The following MARCHF1 variants were observed in gnomAD, a reference collection of about 807,000 sequenced individuals.
MARCHF1 encodes the protein E3 ubiquitin-protein ligase MARCHF1.
MARCHF1 carries 40 observed loss-of-function variants against 54.2 expected under a neutral mutation model. The ratio of observed to expected loss-of-function variants is 0.74; its 90% CI spans 0.57 to 0.96. The LOEUF is 0.96. MARCHF1 is among the 40% of genes least tolerant of loss of function. The pLI, the probability that MARCHF1 is intolerant of heterozygous loss-of-function variation, is 0.00. For missense variants in MARCHF1, 586 were observed against 656.5 expected, an observed-to-expected ratio of 0.89 and a Z score of 1.17; for synonymous variants, 236 against 236.3, an observed-to-expected ratio of 1.00 and a Z score of 0.01.
intron 2 of MARCHF1, among the ~76,000 whole-genome samples, chr4:164,044,258 C>T (rs943438729): frequency 3.3e-5 from 5 of 152,042 alleles, no homozygotes; most frequent in Non-Finnish European, 5.9e-5. Flanking sequence ...ACTTGAGACT[C>T]GGTAGTTTAT....
chr4:163,698,597 G>A (rs1163342758), intron 5 of MARCHF1, among the ~76,000 whole-genome samples: 1 of 152,096 alleles, frequency 6.6e-6, no homozygotes, highest in Non-Finnish European at 1.5e-5. Context: ...CCACACAGAA[G>A]TACAATTAAT....
chr4:164,161,338 A>C (rs1335691083), intron 1 of MARCHF1, among the ~76,000 whole-genome samples: 1 of 152,148 alleles, frequency 6.6e-6, no homozygotes, highest in African/African-American at 2.4e-5. Flanking sequence ...AGGCCTCCCC[A>C]GAAGCCAAAT....
intron 7 of MARCHF1, among the ~76,000 whole-genome samples, chr4:163,606,375 C>T (rs1033019318): frequency 3.9e-5 from 6 of 151,918 alleles, no homozygotes; most frequent in African/African-American, 1.2e-4. Flanking sequence ...GTGGAGGGCA[C>T]AAAACAGATG....
chr4:163,714,392 C>T lies in MARCHF1; in HGVS notation c.112-13529G>A, dbSNP rs367626992. On this transcript the variant is annotated intron_variant, in intron 4 of 9. Transcript: ENST00000514618. The stretch of plus-strand genomic sequence containing the variant: ...TTCTTTTAAATAGAAATCCTGGCCA[C>T]TCACTGTCCATAAATAGCTTACTGC... 9.8e-5 allele frequency among the ~76,000 whole-genome samples: 15 copies of T among 152,362 alleles called. No homozygotes were observed. The South Asian group carries it at 3.1e-3, about 32-fold the overall frequency.
intron 4 of MARCHF1, among the ~76,000 whole-genome samples, chr4:163,744,588 C>T (rs1339797385): frequency 1.3e-5 from 2 of 152,034 alleles, no homozygotes; most frequent in East Asian, 1.9e-4. Flanking sequence ...TATAAGTGTC[C>T]AGAATAATAC....
Position 163,814,461 on chromosome 4 carries a change from G to A in MARCHF1, c.111+39560C>T, listed in dbSNP as rs188846861. ...CGGTTGTGTGTGGTGGCGCATGCCC[G>A]TAATCCCAGCTATGCAGGAGGCTGA... is the stretch of plus-strand genomic sequence containing the variant. On this transcript the variant is annotated intron_variant, in intron 4 of 9. Coordinates refer to ENST00000514618, the MANE Select transcript of MARCHF1 (RefSeq NM_001394959.1). Among the ~76,000 whole-genome samples the A allele has an allele frequency of 2.7e-3, 404 of 152,220 alleles. 4 individuals are homozygous for A. The highest frequency in any genetic ancestry group is 0.01 in the Middle Eastern group (3 of 294).
intron 8 of MARCHF1, among the ~76,000 whole-genome samples, chr4:163,553,874 G>C (rs189938657): frequency 3.3e-5 from 5 of 152,276 alleles, no homozygotes; most frequent in African/African-American, 1.2e-4. Context: ...TCTGCCCCAG[G>C]GATGCTATTC....
chr4:163,894,107 A>G (rs969987863), intron 3 of MARCHF1, among the ~76,000 whole-genome samples: 1 of 152,172 alleles, frequency 6.6e-6, no homozygotes, highest in Admixed American at 6.5e-5. Flanking sequence ...TCAGAATTAC[A>G]AGGCCATTGA....
chr4:163,681,746 T>C (rs1040453660), intron 5 of MARCHF1, among the ~76,000 whole-genome samples: 3 of 152,322 alleles, frequency 2.0e-5, no homozygotes, highest in Middle Eastern at 6.8e-3. Flanking sequence ...CAATTAAACC[T>C]CTTTCCTTTA....
intron 1 of MARCHF1, among the ~76,000 whole-genome samples, chr4:164,212,182 T>C (rs1731796134): frequency 6.6e-6 from 1 of 152,190 alleles, no homozygotes; most frequent in Non-Finnish European, 1.5e-5. Context: ...AACTATTTAA[T>C]ACAACCATCA....
intron 4 of MARCHF1, among the ~76,000 whole-genome samples, chr4:163,735,510 A>G (rs2111340858): frequency 6.6e-6 from 1 of 152,274 alleles, no homozygotes; most frequent in East Asian, 1.9e-4. Context: ...ACAAAAACTT[A>G]TTTCTCACAG....
chr4:164,218,396 A>C (rs1731992115), intron 1 of MARCHF1, among the ~76,000 whole-genome samples: 1 of 152,014 alleles, frequency 6.6e-6, no homozygotes, highest in African/African-American at 2.4e-5. Flanking sequence ...TGCATTAATG[A>C]GGTTAGAGAA....
intron 9 of MARCHF1, among the ~76,000 whole-genome samples, chr4:163,537,746 T>TA (rs1738587478): frequency 6.6e-6 from 1 of 152,232 alleles, no homozygotes; most frequent in South Asian, 2.1e-4. Context: ...AATAGAAAGC[T>TA]ACTGTAGTCT....
intron 1 of MARCHF1, among the ~76,000 whole-genome samples, chr4:164,256,820 A>T (rs1424542439): frequency 1.3e-5 from 2 of 152,132 alleles, no homozygotes; most frequent in Non-Finnish European, 2.9e-5. Context: ...GGGAACATAA[A>T]CTGGTACAGT....
chr4:164,297,418 C>T (rs1734440575), intron 1 of MARCHF1, among the ~76,000 whole-genome samples: 1 of 152,118 alleles, frequency 6.6e-6, no homozygotes, highest in Non-Finnish European at 1.5e-5. Flanking sequence ...AAGGGCAAGT[C>T]AGTCTCTAAT....
At chr4:163,965,095 A>C (rs1752417095) in intron 3 of MARCHF1, among the ~76,000 whole-genome samples, 1 of 152,054 alleles carries the variant, frequency 6.6e-6, no homozygotes, top group Non-Finnish European at 1.5e-5. Context: ...AGAGGTTCAA[A>C]AAACTCAGAT....
chr4:163,546,035 C>T (rs927339252), intron 8 of MARCHF1, among the ~76,000 whole-genome samples: 3 of 151,900 alleles, frequency 2.0e-5, no homozygotes, highest in Admixed American at 2.0e-4. Flanking sequence ...AGTGCAGTGG[C>T]ACAATCTCAG....
chr4:163,545,797 T>G lies in MARCHF1; in HGVS notation c.1192-54A>C, dbSNP rs926176131. On this transcript the variant is annotated intron_variant, in intron 8 of 9. Coordinates refer to ENST00000514618, the MANE Select transcript of MARCHF1 (RefSeq NM_001394959.1). Reference sequence around the variant, plus strand: ...TGAATTGCAAACTAGGAAATTTTGCTCCTCTTTTATTTCCCAGACACAGAT... The same window carrying G: ...TGAATTGCAAACTAGGAAATTTTGCGCCTCTTTTATTTCCCAGACACAGAT... The G allele has an allele frequency of 5.2e-6, 8 of 1,549,984 alleles. No individual in the cohort carries two copies. In the Admixed American group the frequency reaches 8.9e-5, roughly 17 times the overall value.
At chr4:164,291,004 T>C (rs185857725) in intron 1 of MARCHF1, among the ~76,000 whole-genome samples, 245 of 152,066 alleles carry the variant, frequency 1.6e-3, no homozygotes, top group Non-Finnish European at 2.7e-3. Flanking sequence ...GTTTTTTAAA[T>C]TATGATGCTT....
Sources: gnomAD v4.1 joint callset for allele counts (sites outside exome capture counted in the v4.1 genomes callset) on GRCh38, gnomAD v4.1.1 for gene constraint, MANE v1.5 for transcripts, NCBI Gene and HGNC (gene_info 2026-07-23, HGNC 2026-07-21) for gene names.